The following LRCH1 variants were observed in gnomAD, a reference collection of about 807,000 sequenced individuals.
The protein encoded by LRCH1 is leucine rich repeats and calponin homology domain containing 1, also known as leucine-rich repeat and calponin homology domain-containing protein 1.
A neutral mutation model predicts 94.9 loss-of-function variants in LRCH1; 23 were observed. The ratio of observed to expected loss-of-function variants is 0.24; its 90% CI spans 0.17 to 0.34. LRCH1 has a LOEUF of 0.34. Ranked by LOEUF, LRCH1 falls within the 10% of genes least tolerant of loss-of-function variation. The probability of loss-of-function intolerance (pLI) is 1.00; values close to 1 mark genes in which losing one functional copy is unlikely to be tolerated. For missense variants in LRCH1, 790 were observed against 945.9 expected, an observed-to-expected ratio of 0.84 and a Z score of 2.16; for synonymous variants, 364 against 354.9, an observed-to-expected ratio of 1.03 and a Z score of -0.29.
chr13:46,632,312 C>A (rs188845432), intron 1 of LRCH1, among the ~76,000 whole-genome samples: 20 of 152,194 alleles, frequency 1.3e-4, no homozygotes, highest in African/African-American at 4.6e-4. Flanking sequence ...GTGGTACTGG[C>A]AGTCCCCCAT....
chr13:46,573,866 A>ATATATATATATATATATTTT lies in LRCH1; in HGVS notation c.307+20164_307+20165insATATATATATATATATTTTT. On this transcript the variant is annotated intron_variant, in intron 1 of 19. Coordinates refer to ENST00000389797, the MANE Select transcript of LRCH1 (RefSeq NM_001164211.2). Reference sequence around the variant, plus strand: ...GTCAAATATATATATATATATATATATTTTTTTTTTTTTTGAGATGGAGTC... The same window carrying ATATATATATATATATATTTT: ...GTCAAATATATATATATATATATATATATATATATATATATATTTTTTTTTTTTTTTTTTGAGATGGAGTC... 1.7e-3 allele frequency among the ~76,000 whole-genome samples: 105 copies of ATATATATATATATATATTTT among 63,346 alleles called. 2 individuals are homozygous for ATATATATATATATATATTTT. The highest frequency in any genetic ancestry group is 3.8e-3 in the African/African-American group (74 of 19,310). The allele number at this position is 63,346 out of a possible 152,430, so 41.6% of individuals were successfully genotyped here.
chr13:46,620,768 T>G (rs74076495), intron 1 of LRCH1, among the ~76,000 whole-genome samples: 166 of 152,372 alleles, frequency 1.1e-3, no homozygotes, highest in African/African-American at 3.7e-3. Context: ...AATTTTGGTA[T>G]GACTGTACTA....
At chr13:46,580,096 A>G (rs1220397057) in intron 1 of LRCH1, among the ~76,000 whole-genome samples, 1 of 152,310 alleles carries the variant, frequency 6.6e-6, no homozygotes, top group East Asian at 1.9e-4. Flanking sequence ...CCTCTTTATA[A>G]CATTTGTTCC....
intron 3 of LRCH1, among the ~76,000 whole-genome samples, chr13:46,676,817 A>G (rs1470829488): frequency 1.3e-5 from 2 of 152,042 alleles, no homozygotes. Flanking sequence ...TTACTGTGTC[A>G]CTCAGGCTGG....
At chr13:46,653,205 G>A (rs940855346) in intron 2 of LRCH1, among the ~76,000 whole-genome samples, 3 of 152,234 alleles carry the variant, frequency 2.0e-5, no homozygotes, top group African/African-American at 7.2e-5. Flanking sequence ...TTTACAGTCT[G>A]TAATTTTTAG....
At chr13:46,558,390 G>T (rs2137894267) in intron 1 of LRCH1, among the ~76,000 whole-genome samples, 2 of 151,832 alleles carry the variant, frequency 1.3e-5, no homozygotes, top group South Asian at 4.2e-4. Context: ...TTAGATAGAA[G>T]TGCCTATGAA....
At chr13:46,666,674 A>T (rs1409868913) in intron 2 of LRCH1, among the ~76,000 whole-genome samples, 1 of 152,260 alleles carries the variant, frequency 6.6e-6, no homozygotes, top group East Asian at 1.9e-4. Flanking sequence ...TTATTTGCCG[A>T]TCCTCACTTT....
chr13:46,674,061 C>T (rs1277677823), intron 3 of LRCH1, among the ~76,000 whole-genome samples: 1 of 152,180 alleles, frequency 6.6e-6, no homozygotes, highest in African/African-American at 2.4e-5. Context: ...GGATTACAGG[C>T]ATGAGCCACC....
chr13:46,731,569 A>G (rs975655510), intron 18 of LRCH1, among the ~76,000 whole-genome samples: 5 of 152,142 alleles, frequency 3.3e-5, no homozygotes, highest in Admixed American at 1.3e-4. Context: ...TGACTATAAC[A>G]TATTTTAGCC....
Position 46,597,816 on chromosome 13 carries a change from A to T in LRCH1, c.307+44113A>T, listed in dbSNP as rs73190984. Among the ~76,000 whole-genome samples the T allele has an allele frequency of 3.4e-3, 379 of 112,342 alleles. 1 individual carries two copies. Among genetic ancestry groups the T allele is most frequent in the African/African-American group, 0.012 (324 of 26,016 alleles). The allele number at this position is 112,342 out of a possible 152,430, so 73.7% of individuals were successfully genotyped here. On this transcript the variant is annotated intron_variant, in intron 1 of 19. Transcript: ENST00000389797. ...AGATCAAATAAGCCATTTTTTTTTT[A>T]AAAAACAGAAACACACATAAAATGA...
chr13:46,582,357 C>A (rs2050378097), intron 1 of LRCH1, among the ~76,000 whole-genome samples: 1 of 132,696 alleles, frequency 7.5e-6, no homozygotes, highest in Admixed American at 8.0e-5. Flanking sequence ...GGAAGAACAA[C>A]CGTTGCTCTC....
Position 46,558,739 on chromosome 13 carries a change from A to G in LRCH1, c.307+5036A>G, listed in dbSNP as rs527524291. On this transcript the variant is annotated intron_variant, in intron 1 of 19. Coordinates refer to ENST00000389797, the MANE Select transcript of LRCH1 (RefSeq NM_001164211.2). ...CAGAACAAGACTCTGTCTCAAACAA[A>G]CAAACAAACAAATGAACCTGACAGT... Among the ~76,000 whole-genome samples, 12 of 152,202 alleles carry G rather than the reference A, an allele frequency of 7.9e-5. 1 individual carries two copies. The South Asian group carries it at 2.5e-3, about 32-fold the overall frequency.
chr13:46,684,148 G>A (rs1415178702), intron 4 of LRCH1, among the ~76,000 whole-genome samples: 1 of 151,970 alleles, frequency 6.6e-6, no homozygotes, highest in Admixed American at 6.5e-5. Context: ...ATGAAGAGGG[G>A]ATTAAAATAG....
At chr13:46,623,724 T>A (rs539455320) in intron 1 of LRCH1, among the ~76,000 whole-genome samples, 15 of 150,506 alleles carry the variant, frequency 1.0e-4, no homozygotes, top group African/African-American at 2.5e-4. Context: ...CTTTTTTTTT[T>A]ATTATACTTT....
At position 46,668,819 on chromosome 13, in the gene LRCH1, TTTTTTA is replaced by T. The variant is rs1444314601; in HGVS notation, c.453-205_453-200del. On this transcript the variant is annotated intron_variant, in intron 2 of 19. Coordinates refer to ENST00000389797, the MANE Select transcript of LRCH1 (RefSeq NM_001164211.2). ...GAACTGCCCATACCCTTATTTTTTA[TTTTTTA>T]TTTTTTTTTAAAAAAAGAAAAACAT... Among the ~76,000 whole-genome samples the T allele has an allele frequency of 4.8e-3, 454 of 93,764 alleles. 3 individuals are homozygous for T. The highest frequency in any genetic ancestry group is 0.014 in the African/African-American group (427 of 30,992). The allele number at this position is 93,764 out of a possible 152,430, so 61.5% of individuals were successfully genotyped here.
chr13:46,622,411 C>T (rs1010422068), intron 1 of LRCH1, among the ~76,000 whole-genome samples: 3 of 152,152 alleles, frequency 2.0e-5, no homozygotes, highest in African/African-American at 7.2e-5. Flanking sequence ...TCTTTCCTAA[C>T]AGGCAAGCAT....
chr13:46,650,153 G>T, intron 1 of LRCH1, 48 bp from the exon 2 acceptor site: 1 of 1,369,092 alleles, frequency 7.3e-7, no homozygotes, highest in South Asian at 1.2e-5. Flanking sequence ...AAAGTGTATT[G>T]ATTTTGTTCA....
chr13:46,679,492 TGA>T (rs2051721940), intron 3 of LRCH1, among the ~76,000 whole-genome samples: 1 of 152,264 alleles, frequency 6.6e-6, no homozygotes, highest in African/African-American at 2.4e-5. Context: ...AGCGAGGGGC[TGA>T]GAGTGACTGA....
intron 1 of LRCH1, among the ~76,000 whole-genome samples, chr13:46,598,694 C>T (rs1174553961): frequency 1.3e-5 from 2 of 151,968 alleles, no homozygotes; most frequent in South Asian, 2.1e-4. Context: ...TCAGAACTTC[C>T]GGGATGGGCT....
Sources: allele counts gnomAD v4.1 joint callset (sites outside exome capture counted in the v4.1 genomes callset), GRCh38; gene constraint gnomAD v4.1.1; transcripts MANE v1.5; gene names NCBI Gene and HGNC (gene_info 2026-07-23, HGNC 2026-07-21).